The following MAGI2 variants were observed in gnomAD, a reference collection of about 807,000 sequenced individuals.
MAGI2 encodes the protein membrane-associated guanylate kinase, WW and PDZ domain-containing protein 2.
Under a neutral mutation model 133.3 loss-of-function variants are expected in MAGI2, and 35 were observed. That is an observed-to-expected ratio of 0.26 (90% CI 0.20 to 0.35). The LOEUF is 0.35. Ranked by LOEUF, MAGI2 falls within the 10% of genes least tolerant of loss-of-function variation. MAGI2 has a pLI of 1.00. For missense variants in MAGI2, 1,636 were observed against 1,863.4 expected, an observed-to-expected ratio of 0.88 and a Z score of 2.25; for synonymous variants, 729 against 710.6, an observed-to-expected ratio of 1.03 and a Z score of -0.41.
rs377003680 is a variant in MAGI2, at chr7:78,787,153, G to A, written c.419-159914C>T. On this transcript the variant is annotated intron_variant, in intron 2 of 21. Transcript: ENST00000354212. ...AGTAGAGAGGGGGTTTCACCATGTT[G>A]GCCAGGCTGGTCTCGATCTCCTGAC... 3.0e-3 allele frequency among the ~76,000 whole-genome samples: 455 copies of A among 152,078 alleles called. 13 individuals carry two copies. Among genetic ancestry groups the A allele is most frequent in the Non-Finnish European group, 3.6e-3 (245 of 67,978 alleles).
intron 2 of MAGI2, among the ~76,000 whole-genome samples, chr7:78,990,541 G>A (rs17151778): frequency 0.02 from 3,060 of 151,968 alleles, 68 homozygotes; most frequent in African/African-American, 0.064. Flanking sequence ...AACCCCACCT[G>A]GTTTCTAAAG....
At chr7:78,964,436 T>C (rs1428667382) in intron 2 of MAGI2, among the ~76,000 whole-genome samples, 1 of 152,072 alleles carries the variant, frequency 6.6e-6, no homozygotes, top group African/African-American at 2.4e-5. Flanking sequence ...ACTCGTGGTT[T>C]AATGTTTTGG....
chr7:79,141,494 C>G (rs1822128690), intron 1 of MAGI2, among the ~76,000 whole-genome samples: 1 of 152,058 alleles, frequency 6.6e-6, no homozygotes, highest in Admixed American at 6.5e-5. Context: ...TATTTCTGTC[C>G]CCTATCTCTC....
rs367817733 is a variant in MAGI2 at position 79,021,091 on chromosome 7, C to T, written c.302-13885G>A. 7.2e-5 allele frequency among the ~76,000 whole-genome samples: 11 copies of T among 152,320 alleles called. 1 individual carries two copies. The highest frequency in any genetic ancestry group is 3.9e-4 in the East Asian group (2 of 5,180). On this transcript the variant is annotated intron_variant, in intron 1 of 21. Coordinates refer to ENST00000354212, the MANE Select transcript of MAGI2 (RefSeq NM_012301.4). The stretch of plus-strand genomic sequence containing the variant: ...ACAGGTGGTATTGGGCCTGCAGGTG[C>T]ACAGAAGTCAAGAAATGAGGTTGGG...
chr7:78,108,986 G>A (rs1819015171), intron 20 of MAGI2, among the ~76,000 whole-genome samples: 1 of 152,010 alleles, frequency 6.6e-6, no homozygotes, highest in African/African-American at 2.4e-5. Flanking sequence ...AAAATGGCAT[G>A]GGACTAGGCT....
chr7:78,259,837 A>G (rs1408335771), intron 9 of MAGI2, among the ~76,000 whole-genome samples: 1 of 152,170 alleles, frequency 6.6e-6, no homozygotes, highest in Admixed American at 6.5e-5. Flanking sequence ...TCTAGAGAGT[A>G]GTAGTTTGAA....
intron 6 of MAGI2, among the ~76,000 whole-genome samples, chr7:78,479,941 A>G (rs1792183809): frequency 6.6e-6 from 1 of 152,002 alleles, no homozygotes; most frequent in Admixed American, 6.6e-5. Flanking sequence ...TACAGAATGG[A>G]AAAATAAAAT....
At chr7:78,494,367 G>C (rs2150504347) in intron 5 of MAGI2, among the ~76,000 whole-genome samples, 1 of 152,218 alleles carries the variant, frequency 6.6e-6, no homozygotes, top group Admixed American at 6.5e-5. Flanking sequence ...TTTGGTCTTA[G>C]AAGCTATATT....
At chr7:78,927,964 T>A (rs1368715895) in intron 2 of MAGI2, among the ~76,000 whole-genome samples, 1 of 151,990 alleles carries the variant, frequency 6.6e-6, no homozygotes, top group Non-Finnish European at 1.5e-5. Context: ...AGAAAAATAC[T>A]GAAATTGTAA....
chr7:78,641,541 T>C (rs556458325), intron 2 of MAGI2, among the ~76,000 whole-genome samples: 16 of 152,286 alleles, frequency 1.1e-4, no homozygotes, highest in African/African-American at 3.6e-4. Context: ...TTTCGATGCT[T>C]TGTGTCTTCA....
intron 2 of MAGI2, among the ~76,000 whole-genome samples, chr7:78,767,034 G>A (rs1430030143): frequency 6.6e-6 from 1 of 151,310 alleles, no homozygotes; most frequent in African/African-American, 2.4e-5. Flanking sequence ...TCCTTGCCCA[G>A]GCTGGAGTGC....
chr7:78,258,361 CT>C (rs1190060126), intron 9 of MAGI2, among the ~76,000 whole-genome samples: 2 of 152,174 alleles, frequency 1.3e-5, no homozygotes, highest in African/African-American at 4.8e-5. Flanking sequence ...TTTTTCTCTC[CT>C]GTTTCTTTTA....
At chr7:78,878,802 A>G (rs1584254864) in intron 2 of MAGI2, among the ~76,000 whole-genome samples, 1 of 152,194 alleles carries the variant, frequency 6.6e-6, no homozygotes, top group Admixed American at 6.5e-5. Context: ...GCAGATCTTC[A>G]TACATCTGAA....
At chr7:78,252,644 GA>G (rs970285584) in intron 10 of MAGI2, 84 of 146,168 alleles carry the variant, frequency 5.7e-4, no homozygotes, top group Non-Finnish European at 9.5e-4. Flanking sequence ...ATCCATATAA[GA>G]AAAAAAAAAA....
At chr7:78,815,171 T>A (rs1036871327) in intron 2 of MAGI2, among the ~76,000 whole-genome samples, 2 of 152,196 alleles carry the variant, frequency 1.3e-5, no homozygotes, top group Non-Finnish European at 2.9e-5. Flanking sequence ...ATTTAGATGG[T>A]CAATATTTTT....
At chr7:78,187,326 A>G (rs1432915432) in intron 12 of MAGI2, among the ~76,000 whole-genome samples, 3 of 152,124 alleles carry the variant, frequency 2.0e-5, no homozygotes, top group Non-Finnish European at 4.4e-5. Flanking sequence ...ATGATATATA[A>G]TCATCAATCA....
At chr7:79,021,253 A>T (rs1405145536) in intron 1 of MAGI2, among the ~76,000 whole-genome samples, 1 of 152,202 alleles carries the variant, frequency 6.6e-6, no homozygotes, top group Non-Finnish European at 1.5e-5. Context: ...GAGCCCCCAC[A>T]CAGAGTCTCC....
intron 1 of MAGI2, among the ~76,000 whole-genome samples, chr7:79,251,589 T>C (rs1273922445): frequency 6.6e-6 from 1 of 152,122 alleles, no homozygotes; most frequent in Admixed American, 6.6e-5. Context: ...CAATAACAAA[T>C]GCTGGTGAGG....
chr7:78,083,667 T>C (rs1384950541), intron 20 of MAGI2, among the ~76,000 whole-genome samples: 1 of 152,242 alleles, frequency 6.6e-6, no homozygotes, highest in East Asian at 1.9e-4. Flanking sequence ...GGATAACTGC[T>C]GTGTCTAGGT....
Sources: gnomAD v4.1 joint callset for allele counts (sites outside exome capture counted in the v4.1 genomes callset) on GRCh38, gnomAD v4.1.1 for gene constraint, MANE v1.5 for transcripts, NCBI Gene and HGNC (gene_info 2026-07-23, HGNC 2026-07-21) for gene names.